The following SLC10A7 variants were observed in gnomAD, a reference collection of about 807,000 sequenced individuals.
SLC10A7 encodes the protein sodium/bile acid cotransporter 7.
Under a neutral mutation model 43.2 loss-of-function variants are expected in SLC10A7, and 29 were observed. The ratio of observed to expected loss-of-function variants is 0.67; its 90% CI spans 0.50 to 0.92. The LOEUF (loss-of-function observed/expected upper bound fraction) is 0.92, where lower values mean the gene tolerates loss of function less well. SLC10A7 is among the 40% of genes least tolerant of loss of function. The pLI is 0.00. For missense variants in SLC10A7, 295 were observed against 403.2 expected (o/e 0.73, Z 2.30); for synonymous variants, 152 against 144.8 (o/e 1.05, Z -0.35).
At chr4:146,406,465 T>A (rs1336209597) in intron 5 of SLC10A7, among the ~76,000 whole-genome samples, 1 of 152,222 alleles carries the variant, frequency 6.6e-6, no homozygotes, top group Non-Finnish European at 1.5e-5. Flanking sequence ...GACAGTTCCA[T>A]GTCCTCATCT....
chr4:146,403,705 T>C (rs1052622593), intron 5 of SLC10A7, among the ~76,000 whole-genome samples: 2 of 152,182 alleles, frequency 1.3e-5, no homozygotes, highest in African/African-American at 4.8e-5. Flanking sequence ...AAAGCAGTTA[T>C]CATTGTGAAA....
intron 5 of SLC10A7, among the ~76,000 whole-genome samples, chr4:146,434,253 G>T (rs1160180699): frequency 6.6e-6 from 1 of 152,112 alleles, no homozygotes; most frequent in Non-Finnish European, 1.5e-5. Context: ...ATAGCTAGGT[G>T]ATTCTATCTA....
chr4:146,439,038 T>G (rs1210455651), intron 5 of SLC10A7, among the ~76,000 whole-genome samples: 1 of 152,024 alleles, frequency 6.6e-6, no homozygotes, highest in Admixed American at 6.5e-5. Flanking sequence ...CTTACTATGC[T>G]CCACAATTAT....
intron 5 of SLC10A7, among the ~76,000 whole-genome samples, chr4:146,381,146 C>A (rs1737589786): frequency 6.6e-6 from 1 of 152,128 alleles, no homozygotes; most frequent in African/African-American, 2.4e-5. Flanking sequence ...GGGGCCCATG[C>A]AAATGAGGGG....
intron 5 of SLC10A7, among the ~76,000 whole-genome samples, chr4:146,425,486 T>A (rs1458607226): frequency 6.6e-6 from 1 of 152,198 alleles, no homozygotes; most frequent in East Asian, 1.9e-4. Context: ...TCATTTAATT[T>A]TCATTAATTG....
intron 5 of SLC10A7, among the ~76,000 whole-genome samples, chr4:146,373,235 G>A (rs1307482014): frequency 2.0e-5 from 3 of 152,144 alleles, no homozygotes; most frequent in East Asian, 3.9e-4. Flanking sequence ...TACTTTGAGA[G>A]GCTGAGGTGA....
At chr4:146,507,440 A>G (rs1159358281) in intron 3 of SLC10A7, among the ~76,000 whole-genome samples, 1 of 152,220 alleles carries the variant, frequency 6.6e-6, no homozygotes, top group Non-Finnish European at 1.5e-5. Context: ...GGCACCTGTA[A>G]TCCCAGCTAC....
chr4:146,325,967 C>T lies in SLC10A7; in HGVS notation c.465G>A (p.Leu155=). The change falls in exon 6 of 12, where the codon CTG becomes CTA. Residue 155 remains leucine (L), a synonymous_variant. Coordinates refer to ENST00000335472, the MANE Select transcript of SLC10A7 (RefSeq NM_001029998.6). ...ACAACATCAAAATACTCACAAAAAG[C>T]AGCAGGAGCAGGGGTGTTATAACGA... ...LGIVITPLLL[L]LFLGSSSSVP... 1 of 1,611,588 alleles carries T rather than the reference C, an allele frequency of 6.2e-7. No individual in the cohort carries two copies. Among genetic ancestry groups the T allele is most frequent in the Non-Finnish European group, 8.5e-7 (1 of 1,178,700 alleles).
At chr4:146,432,941 G>A (rs1286605818) in intron 5 of SLC10A7, among the ~76,000 whole-genome samples, 6 of 151,382 alleles carry the variant, frequency 4.0e-5, no homozygotes, top group Non-Finnish European at 7.4e-5. Flanking sequence ...GGGAGGCTGA[G>A]GCAGGAGAAT....
chr4:146,379,494 T>C (rs1737446113), intron 5 of SLC10A7, among the ~76,000 whole-genome samples: 1 of 152,200 alleles, frequency 6.6e-6, no homozygotes, highest in South Asian at 2.1e-4. Flanking sequence ...GACTAATGTA[T>C]ATTCAAAACT....
At chr4:146,284,348 C>A (rs534704790) in intron 9 of SLC10A7, among the ~76,000 whole-genome samples, 1 of 152,256 alleles carries the variant, frequency 6.6e-6, no homozygotes, top group Admixed American at 6.5e-5. Flanking sequence ...GTAATCTCAT[C>A]CCCATGCACG....
chr4:146,390,894 T>C (rs1221113088), intron 5 of SLC10A7, among the ~76,000 whole-genome samples: 1 of 150,904 alleles, frequency 6.6e-6, no homozygotes, highest in Non-Finnish European at 1.5e-5. Context: ...GTTGTAAAGG[T>C]GGGAAATACG....
chr4:146,339,005 G>T (rs894837615), intron 5 of SLC10A7, among the ~76,000 whole-genome samples: 1 of 151,928 alleles, frequency 6.6e-6, no homozygotes, highest in Admixed American at 6.6e-5. Context: ...GGAGGAGGGG[G>T]ATAGTATGAA....
chr4:146,467,454 AACACACACACACACACAC>A (rs35773390), intron 4 of SLC10A7, among the ~76,000 whole-genome samples: 13 of 140,808 alleles, frequency 9.2e-5, no homozygotes, highest in South Asian at 7.1e-4. Flanking sequence ...AGCAGGTTTA[AACACACACACACACACAC>A]ACACACACAC....
Position 146,509,932 on chromosome 4 carries a change from T to C in SLC10A7, c.301A>G (p.Asn101Asp), listed in dbSNP as rs200203063. The C allele has an allele frequency of 2.9e-5, 47 of 1,613,326 alleles. No homozygotes were observed. The East Asian group carries it at 8.9e-4, about 31-fold the overall frequency. ...FLQLLSITPI[N>D]EWLLKGLQTV... ...ACATACCCTTTTAAAAGCCATTCGT[T>C]GATGGGTGTGATTGATAAAAGCTGA... The change falls in exon 3 of 12, where the codon AAC (asparagine) becomes GAC (aspartate). Residue 101 changes from asparagine to aspartate, a missense_variant. Physicochemically the swap from Asn to Asp is conservative, Grantham distance 23. Coordinates refer to ENST00000335472, the MANE Select transcript of SLC10A7 (RefSeq NM_001029998.6).
chr4:146,326,951 C>T (rs541276464), intron 5 of SLC10A7, among the ~76,000 whole-genome samples: 1,679 of 98,910 alleles, frequency 0.017, 52 homozygotes, highest in African/African-American at 0.072. Context: ...CACACACACA[C>T]ACACACACAC....
At chr4:146,469,723 G>A (rs1345698640) in intron 4 of SLC10A7, among the ~76,000 whole-genome samples, 1 of 152,090 alleles carries the variant, frequency 6.6e-6, no homozygotes, top group Non-Finnish European at 1.5e-5. Context: ...CAACCTCCCA[G>A]GCTCAAGCAA....
intron 4 of SLC10A7, among the ~76,000 whole-genome samples, chr4:146,491,338 T>C (rs1279824095): frequency 6.6e-6 from 1 of 152,136 alleles, no homozygotes; most frequent in African/African-American, 2.4e-5. Flanking sequence ...CTCCAGAGCA[T>C]ACAGACCAAG....
chr4:146,355,985 C>T (rs1188126113), intron 5 of SLC10A7, among the ~76,000 whole-genome samples: 11 of 148,834 alleles, frequency 7.4e-5, no homozygotes, highest in Non-Finnish European at 1.6e-4. Flanking sequence ...CACATGTATA[C>T]ATATGTAACT....
Sources: gnomAD v4.1 joint callset for allele counts (sites outside exome capture counted in the v4.1 genomes callset) on GRCh38, gnomAD v4.1.1 for gene constraint, MANE v1.5 for transcripts, NCBI Gene and HGNC (gene_info 2026-07-23, HGNC 2026-07-21) for gene names.